The following NR2C2 variants were observed in gnomAD, a reference collection of about 807,000 sequenced individuals.
The protein encoded by NR2C2 is Nuclear hormone receptor TR4.
A neutral mutation model predicts 62.9 loss-of-function variants in NR2C2; 6 were observed. That is an observed-to-expected ratio of 0.10 (90% CI 0.05 to 0.19). NR2C2 has a LOEUF of 0.19. Ranked by LOEUF, NR2C2 falls within the 10% of genes least tolerant of loss-of-function variation. NR2C2 has a pLI of 1.00. For synonymous variants in NR2C2, 272 were observed against 273.8 expected, an observed-to-expected ratio of 0.99 and a Z score of 0.07; for missense variants, 479 against 762.7, an observed-to-expected ratio of 0.63 and a Z score of 4.38.
intron 2 of NR2C2, among the ~76,000 whole-genome samples, chr3:15,011,015 G>A (rs929751249): frequency 3.3e-5 from 5 of 152,130 alleles, no homozygotes; most frequent in Admixed American, 6.5e-5. Flanking sequence ...TCTTAACAGG[G>A]AAAACAGTTT....
At chr3:15,006,708 T>C (rs2041182172) in intron 2 of NR2C2, among the ~76,000 whole-genome samples, 1 of 152,098 alleles carries the variant, frequency 6.6e-6, no homozygotes, top group Non-Finnish European at 1.5e-5. Context: ...GCTTTCCATA[T>C]ACCAGAACAT....
Position 14,980,239 on chromosome 3 carries a change from C to T in NR2C2, c.-39-23637C>T, listed in dbSNP as rs557763123. 4.6e-5 allele frequency among the ~76,000 whole-genome samples: 7 copies of T among 151,908 alleles called. No homozygotes were observed. The South Asian group carries it at 1.0e-3, about 23-fold the overall frequency. ...GATCACAGCTCACTGTAACCTTGAA[C>T]TGCTGGGCTCAAGCAGTCCTCCCGC... On this transcript the variant is annotated intron_variant, in intron 1 of 13. Coordinates refer to ENST00000425241, the MANE Select transcript of NR2C2 (RefSeq NM_001291694.2).
At chr3:15,037,973 C>T (rs2042150228) in intron 11 of NR2C2, 27 bp from the exon 12 acceptor site, 1 of 1,603,336 alleles carries the variant, frequency 6.2e-7, no homozygotes, top group East Asian at 2.3e-5. Flanking sequence ...ACCAGCCTTT[C>T]TCAGGATCTG....
chr3:14,979,031 C>A (rs1009895141), intron 1 of NR2C2, among the ~76,000 whole-genome samples: 1 of 152,160 alleles, frequency 6.6e-6, no homozygotes, highest in Non-Finnish European at 1.5e-5. Flanking sequence ...AATATCCCCC[C>A]ATAGTCATTT....
chr3:14,957,650 A>G (rs2039564903), intron 1 of NR2C2, among the ~76,000 whole-genome samples: 2 of 152,160 alleles, frequency 1.3e-5, no homozygotes, highest in Non-Finnish European at 2.9e-5. Flanking sequence ...TAGTTTTTAT[A>G]TACTGTGCCC....
At chr3:15,018,272 C>T (rs1461783561) in intron 4 of NR2C2, among the ~76,000 whole-genome samples, 1 of 152,178 alleles carries the variant, frequency 6.6e-6, no homozygotes, top group African/African-American at 2.4e-5. Flanking sequence ...GCTGGGATTA[C>T]AGGCATGAGC....
In NR2C2 at chr3:15,003,886, C is replaced by A. The variant is rs1163952307; in HGVS notation, c.-29C>A. On this transcript the variant is annotated 5_prime_UTR_variant, in exon 2 of 14. Transcript: ENST00000425241. ...ACTTCTCACCCACAGGTAACACGTA[C>A]ACAGACCTCTCGGCCGGAATCTCCA... 3.7e-6 allele frequency: 6 copies of A among 1,611,332 alleles called. No homozygotes were observed. Among genetic ancestry groups the A allele is most frequent in the East Asian group, 2.2e-5 (1 of 44,850 alleles).
intron 11 of NR2C2, among the ~76,000 whole-genome samples, chr3:15,036,049 G>A (rs749570118): frequency 6.6e-6 from 1 of 151,600 alleles, no homozygotes; most frequent in Admixed American, 6.6e-5. Context: ...AATTAGCCGG[G>A]CATGGTGGCG....
Position 15,007,640 on chromosome 3 carries a change from C to T in NR2C2, c.72+3654C>T, listed in dbSNP as rs78380442. 4.2e-3 allele frequency among the ~76,000 whole-genome samples: 633 copies of T among 152,140 alleles called. 4 individuals carry two copies. Among genetic ancestry groups the T allele is most frequent in the South Asian group, 8.3e-3 (40 of 4,816 alleles). On this transcript the variant is annotated intron_variant, in intron 2 of 13. Coordinates refer to ENST00000425241, the MANE Select transcript of NR2C2 (RefSeq NM_001291694.2). ...CTAACACAGTGTCTGACAGAGTAGCCCCTCAGTAAATATTTTAGGAATGAA... is the reference window on the plus strand; with the variant it reads ...CTAACACAGTGTCTGACAGAGTAGCTCCTCAGTAAATATTTTAGGAATGAA...
intron 1 of NR2C2, among the ~76,000 whole-genome samples, chr3:14,968,678 A>T (rs1304621972): frequency 6.9e-6 from 1 of 145,410 alleles, no homozygotes; most frequent in Non-Finnish European, 1.5e-5. Context: ...ATAAAGACAC[A>T]TGCACACGTA....
At chr3:14,966,006 T>C (rs1050581505) in intron 1 of NR2C2, among the ~76,000 whole-genome samples, 6 of 152,184 alleles carry the variant, frequency 3.9e-5, no homozygotes, top group Admixed American at 3.9e-4. Context: ...TGTATTTGTG[T>C]CCTTTGAATT....
chr3:14,967,747 G>T (rs536392814), intron 1 of NR2C2, among the ~76,000 whole-genome samples: 1 of 152,078 alleles, frequency 6.6e-6, no homozygotes, highest in Non-Finnish European at 1.5e-5. Context: ...ATACTACAAG[G>T]CTACAGTAAC....
chr3:15,029,792 AATAGATAG>A (rs144596298), intron 8 of NR2C2, among the ~76,000 whole-genome samples: 2,525 of 139,256 alleles, frequency 0.018, 46 homozygotes, highest in South Asian at 0.027. Flanking sequence ...GTAAATAAAT[AATAGATAG>A]ATAGATAGAT....
chr3:14,999,091 T>C (rs1229960370), intron 1 of NR2C2, among the ~76,000 whole-genome samples: 1 of 151,796 alleles, frequency 6.6e-6, no homozygotes, highest in Non-Finnish European at 1.5e-5. Flanking sequence ...CCCAGGCGGG[T>C]GGATCACCTG....
chr3:14,969,521 G>A (rs938213747), intron 1 of NR2C2, among the ~76,000 whole-genome samples: 7 of 152,100 alleles, frequency 4.6e-5, no homozygotes, highest in Non-Finnish European at 7.4e-5. Flanking sequence ...GATTACAGGC[G>A]TGAGCCACCA....
At chr3:14,992,876 C>T (rs2040710108) in intron 1 of NR2C2, among the ~76,000 whole-genome samples, 1 of 152,186 alleles carries the variant, frequency 6.6e-6, no homozygotes, top group South Asian at 2.1e-4. Context: ...TGGCAGTTTT[C>T]CTGTCAAGGT....
chr3:15,001,789 T>C, intron 1 of NR2C2, among the ~76,000 whole-genome samples: 1 of 152,094 alleles, frequency 6.6e-6, no homozygotes, highest in East Asian at 1.9e-4. Context: ...ACCTGATTTT[T>C]TGATTTTTTT....
intron 11 of NR2C2, among the ~76,000 whole-genome samples, chr3:15,037,239 G>T (rs529413662): frequency 8.3e-4 from 124 of 149,536 alleles, no homozygotes; most frequent in African/African-American, 2.5e-3. Flanking sequence ...GTGTGTGTGT[G>T]TTTTTGTTTT....
intron 1 of NR2C2, among the ~76,000 whole-genome samples, chr3:15,002,504 T>C (rs892121355): frequency 6.6e-6 from 1 of 152,148 alleles, no homozygotes; most frequent in Non-Finnish European, 1.5e-5. Flanking sequence ...TTTGTGTTTC[T>C]ATTCATAAGA....
Sources: allele counts gnomAD v4.1 joint callset (sites outside exome capture counted in the v4.1 genomes callset), GRCh38; gene constraint gnomAD v4.1.1; transcripts MANE v1.5; gene names NCBI Gene and HGNC (gene_info 2026-07-23, HGNC 2026-07-21).